The following CTNNBL1 variants were observed in gnomAD, a reference collection of about 807,000 sequenced individuals.
CTNNBL1 encodes catenin beta like 1.
CTNNBL1 carries 31 observed loss-of-function variants against 72.7 expected under a neutral mutation model. The observed-to-expected ratio is 0.43, with a 90% CI of 0.32 to 0.58. The LOEUF is 0.58. Among genes scored for constraint, CTNNBL1 ranks in the 20% least tolerant of loss-of-function variants. CTNNBL1 has a pLI of 0.08. For missense variants in CTNNBL1, 534 were observed against 725.1 expected, an observed-to-expected ratio of 0.74 and a Z score of 3.03; for synonymous variants, 240 against 267.3, an observed-to-expected ratio of 0.90 and a Z score of 1.00.
intron 10 of CTNNBL1, among the ~76,000 whole-genome samples, chr20:37,795,319 A>T (rs1391052072): frequency 1.3e-5 from 2 of 151,736 alleles, no homozygotes; most frequent in Non-Finnish European, 2.9e-5. Context: ...CAGCTAATTT[A>T]AAAAAAATAT....
In CTNNBL1 at chr20:37,694,070, C is replaced by A; in HGVS notation, c.-53C>A. 6.3e-7 allele frequency: 1 copy of A among 1,586,266 alleles called. No individual in the cohort carries two copies. Among genetic ancestry groups the A allele is most frequent in the South Asian group, 1.1e-5 (1 of 87,944 alleles). Reference sequence around the variant, plus strand: ...GTGGCTGGAGCCGCGGCTGACGGGCCCGCGGTCTGGGCGTGAGTGCAGGGA... The same window carrying A: ...GTGGCTGGAGCCGCGGCTGACGGGCACGCGGTCTGGGCGTGAGTGCAGGGA... On this transcript the variant is annotated 5_prime_UTR_variant, in exon 1 of 16. Coordinates refer to ENST00000361383, the MANE Select transcript of CTNNBL1 (RefSeq NM_030877.5).
chr20:37,860,125 G>C, intron 14 of CTNNBL1, 89 bp downstream of exon 14: 2 of 1,533,682 alleles, frequency 1.3e-6, no homozygotes, highest in Non-Finnish European at 1.8e-6. Flanking sequence ...GGGAAAGAAG[G>C]GGGTCACGCT....
At chr20:37,804,765 TGAGAA>T (rs955231018) in intron 11 of CTNNBL1, among the ~76,000 whole-genome samples, 26 of 152,340 alleles carry the variant, frequency 1.7e-4, no homozygotes, top group African/African-American at 5.8e-4. Context: ...GTCATGGCAC[TGAGAA>T]GAGGAGGAAG....
intron 3 of CTNNBL1, among the ~76,000 whole-genome samples, chr20:37,740,772 A>G (rs2073209159): frequency 6.6e-6 from 1 of 152,158 alleles, no homozygotes; most frequent in Non-Finnish European, 1.5e-5. Context: ...TCCATTGTAC[A>G]CTCCTGAAAG....
intron 5 of CTNNBL1, among the ~76,000 whole-genome samples, chr20:37,759,853 T>C (rs531014666): frequency 1.6e-4 from 24 of 152,306 alleles, no homozygotes; most frequent in African/African-American, 5.8e-4. Context: ...ATAAGTACTC[T>C]CATATTACAA....
At chr20:37,751,437 T>G (rs535021875) in intron 4 of CTNNBL1, 1 of 152,374 alleles carries the variant, frequency 6.6e-6, no homozygotes, top group African/African-American at 2.4e-5. Flanking sequence ...GGAGTGGTCA[T>G]TAACACTGTT....
rs6020753 is a variant in CTNNBL1, at chr20:37,765,739, C to T, written c.658+449C>T. ...ATTTTATTTGAAAAAGAGTTTTTCT[C>T]TCTCTTCTTAGGTGTAGACTACCAC... On this transcript the variant is annotated intron_variant, in intron 6 of 15. Transcript: ENST00000361383. 3.3e-3 allele frequency among the ~76,000 whole-genome samples: 495 copies of T among 152,242 alleles called. 7 individuals are homozygous for T. The highest frequency in any genetic ancestry group is 0.011 in the African/African-American group (446 of 41,532).
At position 37,871,887 on chromosome 20, in the gene CTNNBL1, C is replaced by G. The variant is rs750119539; in HGVS notation, c.1604-38C>G. ...CGACGCAGCCACGGTGGATGCCATG[C>G]CTGGGATCCACTCCTGACTCTATCT... On this transcript the variant is annotated intron_variant, in intron 15 of 15. Coordinates refer to ENST00000361383, the MANE Select transcript of CTNNBL1 (RefSeq NM_030877.5). 5 of 1,564,186 alleles carry G rather than the reference C, an allele frequency of 3.2e-6. No homozygotes were observed. The East Asian group carries it at 9.0e-5, about 28-fold the overall frequency.
chr20:37,737,529 C>T (rs753021929), intron 3 of CTNNBL1, 45 bp downstream of exon 3: 34 of 1,337,642 alleles, frequency 2.5e-5, no homozygotes, highest in Non-Finnish European at 3.0e-5. Flanking sequence ...TGTGGCGTTT[C>T]GTTGGCTAAT....
chr20:37,727,164 A>C (rs1218630608), intron 1 of CTNNBL1: 1 of 162,220 alleles, frequency 6.2e-6, no homozygotes, highest in African/African-American at 2.4e-5. Flanking sequence ...TTAATTAAAA[A>C]AAAAGAGGGA....
chr20:37,872,101 T>C lies in CTNNBL1; in HGVS notation c.*88T>C. The C allele has an allele frequency of 8.0e-7, 1 of 1,244,450 alleles. No individual in the cohort carries two copies. The allele number at this position is 1,244,450 out of a possible 1,614,324, so 77.1% of individuals were successfully genotyped here. A position where few individuals can be genotyped will look rare whatever the true frequency, so the allele number is the denominator to read the frequency against. On this transcript the variant is annotated 3_prime_UTR_variant, in exon 16 of 16. Coordinates refer to ENST00000361383, the MANE Select transcript of CTNNBL1 (RefSeq NM_030877.5). ...CAACTCTGTGTGGCTTTTGGACAAA[T>C]TAAAGCTAGTTTTGGTATCCCCGGG...
chr20:37,775,130 A>T (rs557594113), intron 7 of CTNNBL1, among the ~76,000 whole-genome samples: 11 of 152,316 alleles, frequency 7.2e-5, no homozygotes, highest in African/African-American at 2.4e-4. Context: ...ACCATTTAAT[A>T]TATATTTATG....
chr20:37,766,381 T>C (rs1416070155), intron 6 of CTNNBL1, among the ~76,000 whole-genome samples: 1 of 152,208 alleles, frequency 6.6e-6, no homozygotes, highest in Non-Finnish European at 1.5e-5. Context: ...CTCTCACTTA[T>C]TGAGTGCCTG....
intron 15 of CTNNBL1, among the ~76,000 whole-genome samples, chr20:37,870,245 G>A (rs2072571889): frequency 6.6e-6 from 1 of 151,960 alleles, no homozygotes; most frequent in Non-Finnish European, 1.5e-5. Context: ...ACTGAAACCT[G>A]GTGCTCCTAC....
chr20:37,734,538 G>A (rs898053303), intron 2 of CTNNBL1, among the ~76,000 whole-genome samples: 2 of 152,206 alleles, frequency 1.3e-5, no homozygotes, highest in East Asian at 3.8e-4. Context: ...TCTAGCCTGG[G>A]AGACAGAAAT....
At chr20:37,868,277 G>T (rs776568890) in intron 15 of CTNNBL1, among the ~76,000 whole-genome samples, 5 of 122,036 alleles carry the variant, frequency 4.1e-5, no homozygotes, top group African/African-American at 6.2e-5. Context: ...CCCCCTCCCA[G>T]TGGTTTTTTA....
At chr20:37,815,515 A>C (rs1169428691) in intron 11 of CTNNBL1, among the ~76,000 whole-genome samples, 1 of 151,894 alleles carries the variant, frequency 6.6e-6, no homozygotes, top group Non-Finnish European at 1.5e-5. Flanking sequence ...ACGGGGTTTC[A>C]CCATGTTGGT....
At chr20:37,838,044 C>T (rs574419073) in intron 11 of CTNNBL1, among the ~76,000 whole-genome samples, 3 of 152,328 alleles carry the variant, frequency 2.0e-5, no homozygotes, top group East Asian at 1.9e-4. Flanking sequence ...AGGAAAGCCT[C>T]GCTGAGAGGA....
chr20:37,731,602 G>A (rs1021690920), intron 1 of CTNNBL1, among the ~76,000 whole-genome samples: 3 of 152,076 alleles, frequency 2.0e-5, no homozygotes, highest in African/African-American at 4.8e-5. Flanking sequence ...CTCTGGTGAC[G>A]ATCATTCTAC....
Sources: gnomAD v4.1 joint callset for allele counts (sites outside exome capture counted in the v4.1 genomes callset) on GRCh38, gnomAD v4.1.1 for gene constraint, MANE v1.5 for transcripts, NCBI Gene and HGNC (gene_info 2026-07-23, HGNC 2026-07-21) for gene names.